Variants in FRK observed in about 807,000 individuals in gnomAD.
The protein encoded by FRK is tyrosine-protein kinase FRK.
FRK carries 51 observed loss-of-function variants against 56.4 expected under a neutral mutation model. The observed-to-expected ratio is 0.90, with a 90% CI of 0.72 to 1.14. FRK has a LOEUF of 1.14. FRK is among the 50% of genes most tolerant of loss of function. The pLI, the probability that FRK is intolerant of heterozygous loss-of-function variation, is 0.00. For missense variants in FRK, 570 were observed against 601.4 expected (o/e 0.95, Z 0.55); for synonymous variants, 245 against 217.9 (o/e 1.12, Z -1.10).
intron 1 of FRK, among the ~76,000 whole-genome samples, chr6:116,033,288 T>C (rs1776360751): frequency 6.6e-6 from 1 of 152,160 alleles, no homozygotes; most frequent in Admixed American, 6.5e-5. Flanking sequence ...ACTGGCTATG[T>C]TTACCAATAT....
At chr6:115,952,321 A>C (rs952802203) in intron 5 of FRK, among the ~76,000 whole-genome samples, 8 of 152,132 alleles carry the variant, frequency 5.3e-5, no homozygotes, top group Non-Finnish European at 1.0e-4. Flanking sequence ...GTCTAAAAAA[A>C]TGCGCACCAT....
chr6:116,084,737 T>C, the FRK span, among the ~76,000 whole-genome samples: 3 of 152,206 alleles, frequency 2.0e-5, no homozygotes, highest in Non-Finnish European at 4.4e-5. Flanking sequence ...AGTTGTATTG[T>C]AAGGGGCATG....
At chr6:116,062,741 A>C (rs1220453186), upstream of FRK, among the ~76,000 whole-genome samples, 2 of 152,156 alleles carry the variant, frequency 1.3e-5, no homozygotes, top group East Asian at 3.8e-4. Context: ...GAGGGGTGGA[A>C]AGAGAGAAGG....
At chr6:115,948,930 C>T (rs974229394) in intron 5 of FRK, among the ~76,000 whole-genome samples, 3 of 152,146 alleles carry the variant, frequency 2.0e-5, no homozygotes, top group Admixed American at 2.0e-4. Flanking sequence ...TCTCTACATA[C>T]CTGTTTCTTC....
chr6:116,071,360 T>C, the FRK span, among the ~76,000 whole-genome samples: 3 of 152,130 alleles, frequency 2.0e-5, no homozygotes, highest in Non-Finnish European at 2.9e-5. Context: ...TCACAGTCAA[T>C]AGAAATTTCA....
chr6:116,060,347 C>A lies in FRK; in HGVS notation c.-36G>T. 6.5e-7 allele frequency: 1 copy of A among 1,532,654 alleles called. No homozygotes were observed. The highest frequency in any genetic ancestry group is 1.2e-5 in the South Asian group (1 of 84,900). The allele number at this position is 1,532,654 out of a possible 1,614,324, so 94.9% of individuals were successfully genotyped here. A position where few individuals can be genotyped will look rare whatever the true frequency, so the allele number is the denominator to read the frequency against. On this transcript the variant is annotated 5_prime_UTR_variant, in exon 1 of 8. Transcript: ENST00000606080. ...TGGGGAGAAGAGGAGCAGGGCTTCT[C>A]CCTCTCCCCTTAGTCTCTGCGATCC...
In FRK at chr6:115,933,096, T is replaced by C. The variant is rs1771984973; in HGVS notation, c.*9318A>G. ...CTTAGGTAACTTAAATCTATTCCCT[T>C]ATTTCCTTCCTTACCCTCTTTTTAA... On this transcript the variant is annotated 3_prime_UTR_variant, in exon 8 of 8. Coordinates refer to ENST00000606080, the MANE Select transcript of FRK (RefSeq NM_002031.3). The C allele has an allele frequency of 6.6e-6, 1 of 152,122 alleles. No individual in the cohort carries two copies. Among genetic ancestry groups the C allele is most frequent in the Non-Finnish European group, 1.5e-5 (1 of 68,024 alleles). 9.4% of individuals were successfully genotyped at this position (152,122 alleles called of 1,614,324 possible). A position where few individuals can be genotyped will look rare whatever the true frequency, so the allele number is the denominator to read the frequency against.
chr6:116,003,780 A>G (rs975935070), intron 2 of FRK, 97 bp downstream of exon 2: 1 of 1,399,542 alleles, frequency 7.1e-7, no homozygotes, highest in Non-Finnish European at 9.7e-7. Flanking sequence ...GATAAGAAAT[A>G]AGGCAAATTT....
chr6:115,967,227 C>T (rs1191439685), intron 4 of FRK, among the ~76,000 whole-genome samples: 2 of 152,110 alleles, frequency 1.3e-5, no homozygotes, highest in Non-Finnish European at 2.9e-5. Flanking sequence ...TAAATATTTT[C>T]AGCTAAGTCA....
chr6:116,011,494 A>G (rs1319752148), intron 1 of FRK, among the ~76,000 whole-genome samples: 1 of 151,930 alleles, frequency 6.6e-6, no homozygotes, highest in African/African-American at 2.4e-5. Flanking sequence ...ACATCCTTCC[A>G]GAAAATGCAG....
At chr6:115,960,444 G>A (rs1773306114) in intron 4 of FRK, among the ~76,000 whole-genome samples, 1 of 150,304 alleles carries the variant, frequency 6.7e-6, no homozygotes, top group South Asian at 2.1e-4. Flanking sequence ...AGATCAAACT[G>A]CAAGGCGGCA....
At chr6:116,067,382 C>CATTTATTT in the FRK span, among the ~76,000 whole-genome samples, 53 of 151,768 alleles carry the variant, frequency 3.5e-4, no homozygotes, top group Admixed American at 8.5e-4. Context: ...TTTTTATTTT[C>CATTTATTT]ATTTATTTAT....
the FRK span, among the ~76,000 whole-genome samples, chr6:116,080,449 G>A: frequency 6.6e-6 from 1 of 152,026 alleles, no homozygotes; most frequent in South Asian, 2.1e-4. Context: ...CCATTGCACT[G>A]GGCCAAAAAA....
At chr6:115,953,997 G>C (rs1772891754) in intron 5 of FRK, among the ~76,000 whole-genome samples, 1 of 152,058 alleles carries the variant, frequency 6.6e-6, no homozygotes, top group Non-Finnish European at 1.5e-5. Flanking sequence ...AAAAAGCAAG[G>C]GAAGAGGAAT....
chr6:115,956,301 T>C (rs1342465676), intron 5 of FRK, 151 bp downstream of exon 5: 2 of 434,098 alleles, frequency 4.6e-6, no homozygotes, highest in Non-Finnish European at 7.9e-6. Context: ...TATTAAATAG[T>C]AGTTGAGCCA....
intron 5 of FRK, among the ~76,000 whole-genome samples, chr6:115,945,327 G>A (rs569183416): frequency 1.6e-4 from 25 of 152,164 alleles, no homozygotes; most frequent in African/African-American, 5.5e-4. Flanking sequence ...ACACTCCTAC[G>A]AACAGTGTAC....
rs1344310942 is a variant in FRK at position 115,958,635 on chromosome 6, GAAAGAAAGA to G, written c.800-2034_800-2026del. Among the ~76,000 whole-genome samples the G allele has an allele frequency of 1.5e-3, 7 of 4,784 alleles. 1 individual carries two copies. Among genetic ancestry groups the G allele is most frequent in the African/African-American group, 2.3e-3 (7 of 2,992 alleles). The allele number at this position is 4,784 out of a possible 152,430, so 3.1% of individuals were successfully genotyped here. A position where few individuals can be genotyped will look rare whatever the true frequency, so the allele number is the denominator to read the frequency against. ...AGAGTGAGACTCTGTCTCAAAAAAGGAAAGAAAGAAAAGAAAGAAAGAAAGAAAGAAAGA... is the reference window on the plus strand; with the variant it reads ...AGAGTGAGACTCTGTCTCAAAAAAGGAAAGAAAGAAAGAAAGAAAGAAAGA... On this transcript the variant is annotated intron_variant, in intron 4 of 7. Coordinates refer to ENST00000606080, the MANE Select transcript of FRK (RefSeq NM_002031.3).
At chr6:116,056,814 G>A (rs144389025) in intron 1 of FRK, among the ~76,000 whole-genome samples, 268 of 152,260 alleles carry the variant, frequency 1.8e-3, no homozygotes, top group Non-Finnish European at 3.2e-3. Context: ...TCGAAGATAA[G>A]ATAAATCTAA....
Position 115,939,730 on chromosome 6 carries a change from T to C in FRK, c.*2684A>G, listed in dbSNP as rs759659268. On this transcript the variant is annotated 3_prime_UTR_variant, in exon 8 of 8. Coordinates refer to ENST00000606080, the MANE Select transcript of FRK (RefSeq NM_002031.3). ...ATCATGAGTGAACTCCCATTCACAA[T>C]TGCTACAAAGAGAATGAAATATCTA... The C allele has an allele frequency of 2.0e-5, 3 of 152,160 alleles. No homozygotes were observed. Among genetic ancestry groups the C allele is most frequent in the Non-Finnish European group, 2.9e-5 (2 of 68,042 alleles). The allele number at this position is 152,160 out of a possible 1,614,324, so 9.4% of individuals were successfully genotyped here. A position where few individuals can be genotyped will look rare whatever the true frequency, so the allele number is the denominator to read the frequency against.
Sources: allele counts gnomAD v4.1 joint callset (sites outside exome capture counted in the v4.1 genomes callset), GRCh38; gene constraint gnomAD v4.1.1; transcripts MANE v1.5; gene names NCBI Gene and HGNC (gene_info 2026-07-23, HGNC 2026-07-21).